PDE11A: variants seen among roughly 807,000 people sequenced by gnomAD.
The protein encoded by PDE11A is phosphodiesterase 11A.
Under a neutral mutation model 100.5 loss-of-function variants are expected in PDE11A, and 100 were observed. The ratio of observed to expected loss-of-function variants is 1.00; its 90% CI spans 0.85 to 1.18. PDE11A has a LOEUF of 1.18. Among genes scored for constraint, PDE11A ranks in the 50% most tolerant of loss-of-function variants. The pLI is 0.00. For missense variants in PDE11A, 1,141 were observed against 1,152.6 expected (o/e 0.99, Z 0.15); for synonymous variants, 381 against 420.8 (o/e 0.91, Z 1.16).
At chr2:178,020,843 G>C (rs2086398627) in intron 1 of PDE11A, among the ~76,000 whole-genome samples, 1 of 151,570 alleles carries the variant, frequency 6.6e-6, no homozygotes, top group Admixed American at 6.6e-5. Context: ...CATGTGGTAA[G>C]TATTAATCTT....
chr2:177,853,704 GTGTGTGTGTT>G lies in PDE11A; in HGVS notation c.1368-13331_1368-13322del, dbSNP rs1253639237. On this transcript the variant is annotated intron_variant, in intron 5 of 19. Transcript: ENST00000286063. Reference sequence around the variant, plus strand: ...TATGTGTGTGTGTGTGTGTGTGTGTGTGTGTGTGTTTGTGTGTGTGTGTGTGTATATCTAT... The same window carrying G: ...TATGTGTGTGTGTGTGTGTGTGTGTGTGTGTGTGTGTGTGTGTATATCTAT... Among the ~76,000 whole-genome samples, 115 of 61,658 alleles carry G rather than the reference GTGTGTGTGTT, an allele frequency of 1.9e-3. 4 individuals are homozygous for G. Among genetic ancestry groups the G allele is most frequent in the African/African-American group, 5.0e-3 (81 of 16,334 alleles). 40.5% of individuals were successfully genotyped at this position (61,658 alleles called of 152,430 possible). A position where few individuals can be genotyped will look rare whatever the true frequency, so the allele number is the denominator to read the frequency against.
chr2:177,675,596 A>C, intron 16 of PDE11A, 78 bp from the exon 17 acceptor site: 1 of 1,031,058 alleles, frequency 9.7e-7, no homozygotes, highest in South Asian at 1.3e-5. Context: ...AGATACATAA[A>C]TAAATAAAAT....
intron 15 of PDE11A, 29 bp from the exon 16 acceptor site, chr2:177,680,932 G>C: frequency 3.6e-6 from 4 of 1,110,008 alleles, no homozygotes; most frequent in Non-Finnish European, 5.2e-6. Flanking sequence ...AAGAAAGAAA[G>C]AAAAAAAAAA....
chr2:177,712,188 C>A lies in PDE11A; in HGVS notation c.2044-310G>T, dbSNP rs116095095. 6.4e-3 allele frequency among the ~76,000 whole-genome samples: 969 copies of A among 152,114 alleles called. 6 individuals carry two copies. The highest frequency in any genetic ancestry group is 0.022 in the African/African-American group (923 of 41,494). On this transcript the variant is annotated intron_variant, in intron 12 of 19. Transcript: ENST00000286063. ...GTGACAGTTTAGCAAAGGCCCAGGG[C>A]AAAATGTGTTTTGTTATTATACATT... is the stretch of plus-strand genomic sequence containing the variant.
intron 1 of PDE11A, among the ~76,000 whole-genome samples, chr2:178,071,120 CA>C (rs2087121378): frequency 1.3e-5 from 2 of 152,116 alleles, no homozygotes; most frequent in East Asian, 3.9e-4. Context: ...CCAAAGACAC[CA>C]AAATGCTCAT....
chr2:177,688,492 T>C (rs2105518297), intron 15 of PDE11A, among the ~76,000 whole-genome samples: 1 of 152,326 alleles, frequency 6.6e-6, no homozygotes, highest in South Asian at 2.1e-4. Flanking sequence ...TTTAGAAGCA[T>C]GAGGCTGCTA....
chr2:177,905,017 G>T, intron 3 of PDE11A, 81 bp downstream of exon 3: 1 of 799,096 alleles, frequency 1.3e-6, no homozygotes, highest in Non-Finnish European at 2.3e-6. Context: ...TCATTCATTG[G>T]CTGTTTTTAA....
At chr2:177,715,668 T>G (rs547352019) in intron 12 of PDE11A, among the ~76,000 whole-genome samples, 2 of 152,318 alleles carry the variant, frequency 1.3e-5, no homozygotes, top group East Asian at 3.9e-4. Context: ...TGCTGCTCCT[T>G]GTCTTATAAT....
intron 5 of PDE11A, among the ~76,000 whole-genome samples, chr2:177,862,496 C>T (rs147903562): frequency 6.6e-6 from 1 of 151,888 alleles, no homozygotes; most frequent in Non-Finnish European, 1.5e-5. Flanking sequence ...AGTAAAATTG[C>T]AGGATACAAA....
At chr2:177,744,328 G>T (rs2105468773) in intron 10 of PDE11A, among the ~76,000 whole-genome samples, 1 of 135,992 alleles carries the variant, frequency 7.4e-6, no homozygotes, top group South Asian at 2.5e-4. Flanking sequence ...GGACCTCTCT[G>T]ATTGTTTCAT....
chr2:177,660,069 TTC>T (rs1559130658), intron 19 of PDE11A, among the ~76,000 whole-genome samples: 17 of 18,096 alleles, frequency 9.4e-4, no homozygotes, highest in Non-Finnish European at 1.9e-3. Context: ...CTTTCTTTCT[TTC>T]TTTCTTTCTT....
At chr2:177,981,656 G>A (rs556269060) in intron 2 of PDE11A, among the ~76,000 whole-genome samples, 3 of 150,866 alleles carry the variant, frequency 2.0e-5, no homozygotes, top group Admixed American at 2.0e-4. Context: ...CACATTCTGA[G>A]GAACTGGGGT....
At chr2:178,079,935 T>C (rs573708244) in intron 2 of PDE11A, among the ~76,000 whole-genome samples, 2 of 152,380 alleles carry the variant, frequency 1.3e-5, no homozygotes, top group East Asian at 3.9e-4. Flanking sequence ...GTTGGGCACA[T>C]GAATGTCTTC....
chr2:177,949,916 G>T (rs750514036), intron 2 of PDE11A, among the ~76,000 whole-genome samples: 1 of 152,270 alleles, frequency 6.6e-6, no homozygotes, highest in African/African-American at 2.4e-5. Context: ...TGGAATCTAG[G>T]TCTCCTTTAT....
chr2:177,965,103 T>A (rs552795665), intron 2 of PDE11A, among the ~76,000 whole-genome samples: 23 of 152,348 alleles, frequency 1.5e-4, no homozygotes, highest in African/African-American at 5.5e-4. Context: ...GGTTTTGATT[T>A]GCATTTCTAA....
At chr2:178,088,141 T>C (rs1181475175) in intron 2 of PDE11A, among the ~76,000 whole-genome samples, 2 of 152,166 alleles carry the variant, frequency 1.3e-5, no homozygotes, top group Non-Finnish European at 2.9e-5. Flanking sequence ...GAAGCCCCAC[T>C]TTGTGGGGAA....
chr2:177,638,766 C>G (rs2080092837), intron 19 of PDE11A, among the ~76,000 whole-genome samples: 2 of 152,088 alleles, frequency 1.3e-5, no homozygotes. Context: ...GATGCAATAC[C>G]CTTCTGAGAA....
intron 10 of PDE11A, among the ~76,000 whole-genome samples, chr2:177,761,957 C>A (rs531504384): frequency 1.3e-5 from 2 of 152,272 alleles, no homozygotes; most frequent in Non-Finnish European, 2.9e-5. Context: ...CAGAAGAGTT[C>A]ATCTGTTCAT....
chr2:177,826,496 C>T (rs2083228248), intron 6 of PDE11A, among the ~76,000 whole-genome samples: 1 of 152,218 alleles, frequency 6.6e-6, no homozygotes, highest in Non-Finnish European at 1.5e-5. Flanking sequence ...CAGTCAGTCC[C>T]TTGATTTCCA....
Sources: gnomAD v4.1 joint callset for allele counts (sites outside exome capture counted in the v4.1 genomes callset) on GRCh38, gnomAD v4.1.1 for gene constraint, MANE v1.5 for transcripts, NCBI Gene and HGNC (gene_info 2026-07-23, HGNC 2026-07-21) for gene names.